Variants in CSMD1 observed in about 807,000 individuals in gnomAD.
The protein encoded by CSMD1 is CUB and Sushi multiple domains 1.
A neutral mutation model predicts 417.5 loss-of-function variants in CSMD1; 213 were observed. That is an observed-to-expected ratio of 0.51 (90% CI 0.46 to 0.57). The LOEUF is 0.57. Ranked by LOEUF, CSMD1 falls within the 20% of genes least tolerant of loss-of-function variation. The pLI is 0.00. For synonymous variants in CSMD1, 2,862 were observed against 1,736.8 expected (o/e 1.65, Z -16.11); for missense variants, 6,923 against 4,529.7 (o/e 1.53, Z -15.17).
intron 7 of CSMD1, among the ~76,000 whole-genome samples, chr8:3,640,929 T>C (rs536274854): frequency 2.0e-5 from 3 of 152,068 alleles, no homozygotes; most frequent in Non-Finnish European, 4.4e-5. Flanking sequence ...TGTCTTTATT[T>C]GTGAGGGAAA....
chr8:4,327,739 C>T (rs1263252856), intron 3 of CSMD1, among the ~76,000 whole-genome samples: 5 of 152,124 alleles, frequency 3.3e-5, no homozygotes, highest in Non-Finnish European at 2.9e-5. Flanking sequence ...ACCTACTGTC[C>T]GAAAACATTG....
At chr8:3,318,356 A>G (rs1042237649) in intron 23 of CSMD1, among the ~76,000 whole-genome samples, 9 of 152,188 alleles carry the variant, frequency 5.9e-5, no homozygotes, top group African/African-American at 1.9e-4. Flanking sequence ...CCTCTGGCCT[A>G]CCGCATTGAT....
chr8:4,817,637 A>G (rs928349597), intron 1 of CSMD1, among the ~76,000 whole-genome samples: 1 of 152,252 alleles, frequency 6.6e-6, no homozygotes, highest in Non-Finnish European at 1.5e-5. Context: ...CAATTTAATA[A>G]CATGCATAAA....
intron 18 of CSMD1, among the ~76,000 whole-genome samples, chr8:3,382,461 AT>A (rs1810693125): frequency 7.9e-6 from 1 of 126,114 alleles, no homozygotes; most frequent in African/African-American, 2.9e-5. Flanking sequence ...AATATATATA[AT>A]ATATTATATA....
Position 4,873,036 on chromosome 8 carries a change from C to A in CSMD1, c.85+121296G>T, listed in dbSNP as rs1207750087. Among the ~76,000 whole-genome samples, 8 of 151,986 alleles carry A rather than the reference C, an allele frequency of 5.3e-5. No individual in the cohort carries two copies. The East Asian group carries it at 1.5e-3, about 29-fold the overall frequency. On this transcript the variant is annotated intron_variant, in intron 1 of 69. Coordinates refer to ENST00000635120, the MANE Select transcript of CSMD1 (RefSeq NM_033225.6). The stretch of plus-strand genomic sequence containing the variant: ...TGCAAGCATTGTGAAATGGTTACCA[C>A]AAATCGTATATATTTAAGGTGTACA...
chr8:4,178,768 GC>G (rs1940347512), intron 3 of CSMD1, among the ~76,000 whole-genome samples: 1 of 152,200 alleles, frequency 6.6e-6, no homozygotes, highest in East Asian at 1.9e-4. Flanking sequence ...AAAATTACAA[GC>G]ATTGTTATAC....
intron 1 of CSMD1, among the ~76,000 whole-genome samples, chr8:4,890,406 AC>A (rs1398371149): frequency 6.6e-6 from 1 of 152,040 alleles, no homozygotes; most frequent in Non-Finnish European, 1.5e-5. Context: ...CCTGGGCAAG[AC>A]AGGTGAGAGC....
At chr8:3,254,808 G>C (rs931393762) in intron 26 of CSMD1, among the ~76,000 whole-genome samples, 5 of 151,928 alleles carry the variant, frequency 3.3e-5, no homozygotes, top group Admixed American at 2.0e-4. Flanking sequence ...TCTTTGCCAT[G>C]GGTTCAAACT....
intron 3 of CSMD1, among the ~76,000 whole-genome samples, chr8:4,374,806 G>A (rs1015834427): frequency 9.2e-5 from 14 of 152,082 alleles, no homozygotes; most frequent in African/African-American, 3.4e-4. Context: ...GGAGAGGATG[G>A]CAGGAAAACG....
chr8:3,372,466 G>A (rs975412892), intron 18 of CSMD1, among the ~76,000 whole-genome samples: 6 of 152,148 alleles, frequency 3.9e-5, no homozygotes, highest in Non-Finnish European at 8.8e-5. Flanking sequence ...AGTGGTGAAG[G>A]GAGGAAGGTG....
intron 7 of CSMD1, among the ~76,000 whole-genome samples, chr8:3,651,961 C>T (rs958041447): frequency 6.7e-6 from 1 of 150,202 alleles, no homozygotes; most frequent in Non-Finnish European, 1.5e-5. Context: ...ATCAGAGCGC[C>T]ATCACCACCA....
chr8:4,215,620 G>C (rs777317568), intron 3 of CSMD1, among the ~76,000 whole-genome samples: 1 of 151,764 alleles, frequency 6.6e-6, no homozygotes, highest in Admixed American at 6.6e-5. Context: ...TGTTTACTTT[G>C]AACATAAATT....
chr8:3,246,965 T>C lies in CSMD1; in HGVS notation c.4154-16734A>G, dbSNP rs994542994. Among the ~76,000 whole-genome samples, 6 of 152,326 alleles carry C rather than the reference T, an allele frequency of 3.9e-5. No individual in the cohort carries two copies. In the East Asian group the frequency reaches 9.7e-4, roughly 25 times the overall value. ...TTACAATTTATTGCTTATAGAACTTTTGTAAGTGAATTATGTTAAGGCAAG... is the reference window on the plus strand; with the variant it reads ...TTACAATTTATTGCTTATAGAACTTCTGTAAGTGAATTATGTTAAGGCAAG... On this transcript the variant is annotated intron_variant, in intron 26 of 69. Transcript: ENST00000635120.
At chr8:4,699,238 A>G (rs1356011234) in intron 1 of CSMD1, among the ~76,000 whole-genome samples, 2 of 152,156 alleles carry the variant, frequency 1.3e-5, no homozygotes, top group Non-Finnish European at 2.9e-5. Flanking sequence ...TTAAAGGATA[A>G]CTTTCAAAGA....
At chr8:4,103,427 T>C (rs1441822080) in intron 3 of CSMD1, among the ~76,000 whole-genome samples, 1 of 151,292 alleles carries the variant, frequency 6.6e-6, no homozygotes, top group Non-Finnish European at 1.5e-5. Flanking sequence ...TTGGCTTTTT[T>C]GTCTGTTAAA....
chr8:3,388,757 G>T (rs1157067525), intron 17 of CSMD1, among the ~76,000 whole-genome samples: 1 of 152,182 alleles, frequency 6.6e-6, no homozygotes, highest in Non-Finnish European at 1.5e-5. Flanking sequence ...CTGCTGCGCA[G>T]TATGGCAGGA....
chr8:3,291,874 G>GAAGGCAAGA (rs1563233166), intron 25 of CSMD1, among the ~76,000 whole-genome samples: 28 of 152,074 alleles, frequency 1.8e-4, no homozygotes, highest in Admixed American at 1.6e-3. Flanking sequence ...GCTAGCTTTT[G>GAAGGCAAGA]AATGTGTTTG....
chr8:4,911,058 C>T (rs1310890483), intron 1 of CSMD1, among the ~76,000 whole-genome samples: 1 of 152,180 alleles, frequency 6.6e-6, no homozygotes, highest in Non-Finnish European at 1.5e-5. Flanking sequence ...CTTGCTCCTC[C>T]TTGCCTTCCA....
chr8:4,454,339 C>A (rs1353500341), intron 2 of CSMD1, among the ~76,000 whole-genome samples: 1 of 152,160 alleles, frequency 6.6e-6, no homozygotes. Context: ...AGACATGCAG[C>A]TTCATCTTAC....
Sources: allele counts gnomAD v4.1 joint callset (sites outside exome capture counted in the v4.1 genomes callset), GRCh38; gene constraint gnomAD v4.1.1; transcripts MANE v1.5; gene names NCBI Gene and HGNC (gene_info 2026-07-23, HGNC 2026-07-21).